The following COL4A2 variants were observed in gnomAD, a reference collection of about 807,000 sequenced individuals.
COL4A2 encodes the protein collagen alpha-2(IV) chain.
Under a neutral mutation model 200.2 loss-of-function variants are expected in COL4A2, and 99 were observed. That is an observed-to-expected ratio of 0.49 (90% CI 0.42 to 0.58). The LOEUF (loss-of-function observed/expected upper bound fraction) is 0.58. Ranked by LOEUF, COL4A2 falls within the 20% of genes least tolerant of loss-of-function variation. COL4A2 has a pLI of 0.00. For missense variants in COL4A2, 1,950 were observed against 2,314.1 expected (o/e 0.84, Z 3.23); for synonymous variants, 897 against 900.6 (o/e 1.00, Z 0.07).
chr13:110,456,446 A>C, intron 20 of COL4A2: 1 of 311,776 alleles, frequency 3.2e-6, no homozygotes. Flanking sequence ...AGTGTGTAGC[A>C]GTCTTGGAAT....
At chr13:110,462,211 C>T in intron 23 of COL4A2, 25 bp downstream of exon 23, 1 of 1,614,250 alleles carries the variant, frequency 6.2e-7, no homozygotes, top group Non-Finnish European at 8.5e-7. Flanking sequence ...GGCCACGCGG[C>T]CCCTGGGGCA....
chr13:110,433,840 A>G (rs1421075403), intron 11 of COL4A2, among the ~76,000 whole-genome samples: 1 of 152,244 alleles, frequency 6.6e-6, no homozygotes, highest in Non-Finnish European at 1.5e-5. Context: ...AATCCTTACT[A>G]TGATACTGGG....
intron 4 of COL4A2, 22 bp downstream of exon 4, chr13:110,357,574 A>G (rs1877334160): frequency 6.4e-7 from 1 of 1,560,692 alleles, no homozygotes; most frequent in South Asian, 1.2e-5. Flanking sequence ...CATTGCAATA[A>G]ATAATATTAT....
chr13:110,449,744 G>C lies in COL4A2; in HGVS notation c.1144G>C (p.Asp382His). 6.5e-7 allele frequency: 1 copy of C among 1,549,420 alleles called. No homozygotes were observed. The highest frequency in any genetic ancestry group is 8.7e-7 in the Non-Finnish European group (1 of 1,146,692). ...GEPGSQGEPG[D>H]PGLPGPPGLS... Reference sequence around the variant, plus strand: ...GCCAGGAAGCCAGGGTGAGCCAGGAGACCCGGGCCTCCCAGGTCCCCCTGG... The same window carrying C: ...GCCAGGAAGCCAGGGTGAGCCAGGACACCCGGGCCTCCCAGGTCCCCCTGG... The change falls in exon 19 of 48, where the codon GAC becomes CAC. Residue 382 changes from aspartate to histidine, a missense_variant. By Grantham distance (81) the Asp-to-His change is moderately conservative. Around this residue, in one of 2 missense-constraint regions of COL4A2, gnomAD observed 565 missense variants for 593.5 expected, o/e 0.95. Transcript: ENST00000360467.
intron 3 of COL4A2, among the ~76,000 whole-genome samples, chr13:110,323,008 T>G (rs181320162): frequency 6.6e-6 from 1 of 152,320 alleles, no homozygotes; most frequent in African/African-American, 2.4e-5. Context: ...TTTTTACATT[T>G]TGAAGGCTTT....
chr13:110,403,551 A>G (rs1011735285), intron 4 of COL4A2, among the ~76,000 whole-genome samples: 1 of 152,080 alleles, frequency 6.6e-6, no homozygotes, highest in Non-Finnish European at 1.5e-5. Context: ...ACACATTTCT[A>G]CCAACATTCT....
intron 38 of COL4A2, among the ~76,000 whole-genome samples, chr13:110,492,726 G>C (rs368584): frequency 0.54 from 82,018 of 152,082 alleles, 22,954 homozygotes; most frequent in South Asian, 0.66. Flanking sequence ...CAGCAGTGGC[G>C]AGGCGTCAAG....
chr13:110,307,814 T>C lies in COL4A2; in HGVS notation c.-44-46T>C. 1 of 1,479,834 alleles carries C rather than the reference T, an allele frequency of 6.8e-7. No homozygotes were observed. 91.7% of individuals were successfully genotyped at this position (1,479,834 alleles called of 1,614,324 possible). On this transcript the variant is annotated intron_variant, in intron 1 of 47. Transcript: ENST00000360467. The surrounding 1 kb of genome is among the most constrained non-coding windows in gnomAD (Gnocchi z 5.0). ...ACCGAGACCGGCGGTGAGGATGGGCTGCCTCCCTCATCCTGCGCTAAACTC... is the reference window on the plus strand; with the variant it reads ...ACCGAGACCGGCGGTGAGGATGGGCCGCCTCCCTCATCCTGCGCTAAACTC...
intron 3 of COL4A2, among the ~76,000 whole-genome samples, chr13:110,311,609 C>G (rs1884984929): frequency 6.6e-6 from 1 of 152,190 alleles, no homozygotes; most frequent in African/African-American, 2.4e-5. Context: ...TCTGGCACAG[C>G]CTGGGTGCCA....
intron 3 of COL4A2, among the ~76,000 whole-genome samples, chr13:110,349,343 G>A (rs1181812363): frequency 1.3e-5 from 2 of 152,172 alleles, no homozygotes. Flanking sequence ...TTCCCCGGTG[G>A]CAAAGGAGGG....
chr13:110,415,577 T>A (rs1297773885), intron 4 of COL4A2, among the ~76,000 whole-genome samples: 1 of 152,242 alleles, frequency 6.6e-6, no homozygotes. Context: ...TGTGTTTGTA[T>A]TATCGTAGCG....
At chr13:110,335,203 T>G (rs1389621841) in intron 3 of COL4A2, among the ~76,000 whole-genome samples, 1 of 152,124 alleles carries the variant, frequency 6.6e-6, no homozygotes, top group East Asian at 1.9e-4. Context: ...CCTGCAACCG[T>G]GTCTCCAACA....
intron 4 of COL4A2, among the ~76,000 whole-genome samples, chr13:110,421,394 C>T (rs1455983389): frequency 6.6e-6 from 1 of 152,178 alleles, no homozygotes; most frequent in Admixed American, 6.5e-5. Flanking sequence ...TGTGGTCTAT[C>T]CGTACAGTGG....
chr13:110,313,534 C>T (rs111843395), intron 3 of COL4A2, among the ~76,000 whole-genome samples: 122 of 136,134 alleles, frequency 9.0e-4, no homozygotes, highest in African/African-American at 2.9e-3. Flanking sequence ...GGCTCCCACC[C>T]CGGTGCCCCG....
Position 110,315,104 on chromosome 13 carries a change from G to C in COL4A2, c.99+6981G>C, listed in dbSNP as rs182555594. 2.0e-5 allele frequency among the ~76,000 whole-genome samples: 3 copies of C among 152,322 alleles called. No individual in the cohort carries two copies. The South Asian group carries it at 6.2e-4, about 32-fold the overall frequency. ...AGCATGAGCAGAGCCGCCTCTGCCC[G>C]GCCCCTGCCAGTTCTGCTCTGCACA... On this transcript the variant is annotated intron_variant, in intron 3 of 47. Coordinates refer to ENST00000360467, the MANE Select transcript of COL4A2 (RefSeq NM_001846.4).
intron 3 of COL4A2, among the ~76,000 whole-genome samples, chr13:110,326,948 T>G (rs1030853709): frequency 2.0e-5 from 3 of 152,372 alleles, no homozygotes; most frequent in African/African-American, 7.2e-5. Flanking sequence ...AAGCTTGGCT[T>G]CGTGATAAGC....
At chr13:110,331,142 T>G (rs562437437) in intron 3 of COL4A2, among the ~76,000 whole-genome samples, 4 of 152,302 alleles carry the variant, frequency 2.6e-5, no homozygotes, top group Admixed American at 2.0e-4. Context: ...AAAAATCAGC[T>G]TGAACATTTT....
intron 4 of COL4A2, among the ~76,000 whole-genome samples, chr13:110,411,276 C>T (rs911430147): frequency 6.6e-6 from 1 of 152,210 alleles, no homozygotes; most frequent in African/African-American, 2.4e-5. Flanking sequence ...AAACAGCCAA[C>T]CTTTTTAGCA....
intron 40 of COL4A2, among the ~76,000 whole-genome samples, chr13:110,501,391 G>C (rs551137393): frequency 6.6e-6 from 1 of 152,296 alleles, no homozygotes; most frequent in South Asian, 2.1e-4. Flanking sequence ...AGCGCCTTGG[G>C]GAAGTCGAGC....
Sources: gnomAD v4.1 joint callset for allele counts (sites outside exome capture counted in the v4.1 genomes callset) on GRCh38, gnomAD v4.1.1 for gene constraint, gnomAD v4.1.1 regional missense constraint, Gnocchi (gnomAD v3.1) non-coding constraint, MANE v1.5 for transcripts, NCBI Gene and HGNC (gene_info 2026-07-23, HGNC 2026-07-21) for gene names.